Variants in PCDHA3 observed in about 807,000 individuals in gnomAD.
PCDHA3 encodes protocadherin alpha 3.
Under a neutral mutation model 62.2 loss-of-function variants are expected in PCDHA3, and 41 were observed. The ratio of observed to expected loss-of-function variants is 0.66; its 90% confidence interval spans 0.51 to 0.86. PCDHA3 has a LOEUF of 0.86. Among genes scored for constraint, PCDHA3 ranks in the 40% least tolerant of loss-of-function variants. The pLI is 0.00. For missense variants in PCDHA3, 1,304 were observed against 1,241.2 expected (o/e 1.05, Z -0.76); for synonymous variants, 640 against 555.4 (o/e 1.15, Z -2.14).
Position 140,823,614 on chromosome 5 carries a change from G to A in PCDHA3, c.2394+20023G>A, listed in dbSNP as rs2150127435. 5.0e-6 allele frequency: 8 copies of A among 1,614,046 alleles called. No individual in the cohort carries two copies. The Admixed American group carries it at 1.3e-4, about 27-fold the overall frequency. The stretch of plus-strand genomic sequence containing the variant: ...GGCTTTCGTATGAGCTGCAGCCAGC[G>A]CCTGGCAGTGCGCGCATCCCGTTCC... On this transcript the variant is annotated intron_variant, in intron 1 of 3. Transcript: ENST00000522353.
intron 3 of PCDHA3, among the ~76,000 whole-genome samples, chr5:140,999,505 A>T (rs1221080631): frequency 1.3e-5 from 2 of 152,134 alleles, no homozygotes; most frequent in African/African-American, 4.8e-5. Context: ...AAGAACCTAC[A>T]TTTTAAGCAT....
chr5:140,823,506 C>T (rs145855942), intron 1 of PCDHA3: 24 of 1,613,158 alleles, frequency 1.5e-5, no homozygotes, highest in Middle Eastern at 3.3e-4. Context: ...GCGCAGTGAG[C>T]GAGCTGGTGC....
At chr5:140,870,389 G>A (rs1262225558) in intron 1 of PCDHA3, 1 of 1,614,132 alleles carries the variant, frequency 6.2e-7, no homozygotes, top group Non-Finnish European at 8.5e-7. Context: ...GCGCGGGATG[G>A]GGGTTCGCCT....
intron 3 of PCDHA3, among the ~76,000 whole-genome samples, chr5:140,985,683 G>T (rs926848363): frequency 3.3e-5 from 5 of 151,148 alleles, no homozygotes; most frequent in Admixed American, 6.6e-5. Flanking sequence ...CCTGCCTTAC[G>T]CTAATCCTCG....
chr5:140,929,465 A>G (rs2086179280), intron 1 of PCDHA3: 1 of 1,322,058 alleles, frequency 7.6e-7, no homozygotes, highest in African/African-American at 1.5e-5. Flanking sequence ...CTGTGCCAAG[A>G]AATCTGGAAG....
Position 140,944,942 on chromosome 5 carries a change from T to C in PCDHA3, c.2395-34007T>C, listed in dbSNP as rs564740183. Among the ~76,000 whole-genome samples the C allele has an allele frequency of 2.0e-4, 31 of 152,326 alleles. No individual in the cohort carries two copies. The South Asian group carries it at 3.7e-3, about 18-fold the overall frequency. On this transcript the variant is annotated intron_variant, in intron 1 of 3. Coordinates refer to ENST00000522353, the MANE Select transcript of PCDHA3 (RefSeq NM_018906.3). ...ATTGGTTTATGCCTTCTTTAGATGATTGTGAATAAGAGTATTATCTTAACC... is the reference window on the plus strand; with the variant it reads ...ATTGGTTTATGCCTTCTTTAGATGACTGTGAATAAGAGTATTATCTTAACC...
intron 1 of PCDHA3, chr5:140,869,509 A>T (rs199564677): frequency 3.1e-6 from 5 of 1,614,206 alleles, no homozygotes; most frequent in Non-Finnish European, 3.4e-6. Context: ...GTTCTCGCTC[A>T]GAGAACAAAA....
intron 1 of PCDHA3, chr5:140,927,595 C>A (rs2084392576): frequency 1.2e-6 from 2 of 1,614,038 alleles, no homozygotes; most frequent in South Asian, 2.2e-5. Context: ...TGTATTTGAG[C>A]GCTCCGTATA....
At chr5:140,905,880 A>G (rs1485985374) in intron 1 of PCDHA3, among the ~76,000 whole-genome samples, 4 of 152,172 alleles carry the variant, frequency 2.6e-5, no homozygotes, top group Non-Finnish European at 1.5e-5. Flanking sequence ...AGGCCCAACA[A>G]TAGGCCATCT....
At chr5:140,939,285 T>A (rs2092357056) in intron 1 of PCDHA3, among the ~76,000 whole-genome samples, 1 of 152,108 alleles carries the variant, frequency 6.6e-6, no homozygotes, top group Admixed American at 6.5e-5. Flanking sequence ...GCCCTCGTGA[T>A]CTAATCATCT....
At chr5:140,816,771 C>T in intron 1 of PCDHA3, 1 of 151,966 alleles carries the variant, frequency 6.6e-6, no homozygotes, top group Admixed American at 6.6e-5. Context: ...GTGTATAATT[C>T]CTAATTAGAG....
At chr5:140,883,626 C>T (rs782798960) in intron 1 of PCDHA3, 3 of 1,613,850 alleles carry the variant, frequency 1.9e-6, no homozygotes, top group Non-Finnish European at 2.5e-6. Flanking sequence ...GACAACGCGC[C>T]GGCGTTCGCG....
chr5:140,920,282 T>C (rs1554199556), intron 1 of PCDHA3, among the ~76,000 whole-genome samples: 1 of 152,218 alleles, frequency 6.6e-6, no homozygotes, highest in African/African-American at 2.4e-5. Context: ...TAATCTTATA[T>C]TTTTTAGAGG....
chr5:140,804,003 G>A (rs1177330253), intron 1 of PCDHA3: 4 of 223,648 alleles, frequency 1.8e-5, no homozygotes, highest in Non-Finnish European at 2.6e-5. Flanking sequence ...TAGTACAAAT[G>A]TTACTTGCTC....
intron 1 of PCDHA3, among the ~76,000 whole-genome samples, chr5:140,924,166 T>C (rs1409712075): frequency 6.6e-6 from 1 of 152,232 alleles, no homozygotes; most frequent in African/African-American, 2.4e-5. Flanking sequence ...TCCTAATCTC[T>C]GGCACTGAAG....
intron 1 of PCDHA3, chr5:140,808,216 C>T (rs370721658): frequency 1.2e-6 from 2 of 1,614,108 alleles, no homozygotes; most frequent in African/African-American, 2.7e-5. Flanking sequence ...TAGAAGACAA[C>T]AACGATAATG....
At chr5:140,882,584 C>G (rs1554174685) in intron 1 of PCDHA3, 5 of 1,614,238 alleles carry the variant, frequency 3.1e-6, no homozygotes, top group South Asian at 1.1e-5. Flanking sequence ...CAGCATCCAC[C>G]TGGAGGTGAT....
chr5:141,009,724 T>C lies in PCDHA3; in HGVS notation c.2640T>C (p.Gly880=). ...KYGPGNPKQS[G]PGELPDKFII... The stretch of plus-strand genomic sequence containing the variant: ...GACCAGGCAACCCCAAACAATCCGG[T>C]CCCGGTGAGTTGCCCGACAAATTCA... Residue 880 remains glycine, a synonymous_variant, in exon 4 of 4, where the codon GGT becomes GGC. Transcript: ENST00000522353. 6.2e-7 allele frequency: 1 copy of C among 1,614,116 alleles called. No individual in the cohort carries two copies. Among genetic ancestry groups the C allele is most frequent in the South Asian group, 1.1e-5 (1 of 91,062 alleles).
chr5:140,870,852 G>C (rs782301779), intron 1 of PCDHA3: 3 of 1,613,862 alleles, frequency 1.9e-6, no homozygotes, highest in Non-Finnish European at 2.5e-6. Flanking sequence ...TACCGCGGTC[G>C]GTGGGTGCGG....
Sources: allele counts gnomAD v4.1 joint callset (sites outside exome capture counted in the v4.1 genomes callset), GRCh38; gene constraint gnomAD v4.1.1; transcripts MANE v1.5; gene names NCBI Gene and HGNC (gene_info 2026-07-23, HGNC 2026-07-21).